Variants in PUS10 observed in about 807,000 individuals in gnomAD.
PUS10 encodes the protein pseudouridine synthase 10.
In PUS10, 59 loss-of-function variants were observed where a neutral mutation model predicts 75.0. The ratio of observed to expected loss-of-function variants is 0.79; its 90% CI spans 0.64 to 0.98. PUS10 has a LOEUF of 0.98. Ranked by LOEUF, PUS10 falls within the 50% of genes least tolerant of loss-of-function variation. The pLI is 0.00. For missense variants in PUS10, 650 were observed against 614.4 expected, an observed-to-expected ratio of 1.06 and a Z score of -0.61; for synonymous variants, 219 against 211.6, an observed-to-expected ratio of 1.03 and a Z score of -0.30.
At chr2:61,005,139 T>G (rs1333509283) in intron 4 of PUS10, among the ~76,000 whole-genome samples, 1 of 152,112 alleles carries the variant, frequency 6.6e-6, no homozygotes, top group Non-Finnish European at 1.5e-5. Context: ...CGCATGCCTG[T>G]AAGCCCAGCT....
At chr2:60,983,204 T>C (rs764066173) in intron 4 of PUS10, among the ~76,000 whole-genome samples, 2 of 151,974 alleles carry the variant, frequency 1.3e-5, no homozygotes, top group East Asian at 3.9e-4. Context: ...TTAAGTCTAA[T>C]TGTTACTATA....
chr2:60,988,217 T>C (rs1239503394), intron 4 of PUS10, among the ~76,000 whole-genome samples: 1 of 152,228 alleles, frequency 6.6e-6, no homozygotes, highest in Non-Finnish European at 1.5e-5. Context: ...TTTTTCTACA[T>C]TTCTCTTTAG....
intron 1 of PUS10, chr2:61,017,260 C>G (rs1481640520): frequency 6.5e-6 from 1 of 152,902 alleles, no homozygotes; most frequent in African/African-American, 2.4e-5. Context: ...CAATTCTGTT[C>G]CCCGAGGAAA....
intron 4 of PUS10, among the ~76,000 whole-genome samples, chr2:60,991,920 GGGGC>G (rs1388567689): frequency 6.6e-6 from 1 of 152,120 alleles, no homozygotes; most frequent in Non-Finnish European, 1.5e-5. Context: ...ACACCTCCCT[GGGGC>G]CAGACCAATA....
intron 4 of PUS10, among the ~76,000 whole-genome samples, chr2:60,990,357 A>G (rs1286809947): frequency 2.6e-5 from 4 of 152,208 alleles, no homozygotes; most frequent in Non-Finnish European, 5.9e-5. Context: ...CAAGGTAGTG[A>G]AGAGTTACAG....
At chr2:60,993,205 C>T (rs116244493) in intron 4 of PUS10, among the ~76,000 whole-genome samples, 11,681 of 152,142 alleles carry the variant, frequency 0.077, 577 homozygotes, top group Middle Eastern at 0.18. Context: ...ACCTGTAATC[C>T]GAGGACTTTG....
chr2:60,950,071 T>C (rs1675239758), intron 15 of PUS10, among the ~76,000 whole-genome samples: 1 of 152,248 alleles, frequency 6.6e-6, no homozygotes, highest in Non-Finnish European at 1.5e-5. Context: ...ATCTTAAAGA[T>C]ATCTGTCTAT....
At chr2:60,972,096 T>A (rs571685233) in intron 4 of PUS10, among the ~76,000 whole-genome samples, 22 of 147,744 alleles carry the variant, frequency 1.5e-4, no homozygotes, top group African/African-American at 4.9e-4. Flanking sequence ...CTCGAACTCC[T>A]GACATCAAGT....
chr2:61,017,880 T>G, intron 1 of PUS10, 128 bp downstream of exon 1: 1 of 1,542,618 alleles, frequency 6.5e-7, no homozygotes, highest in Non-Finnish European at 8.8e-7. Flanking sequence ...AGGCTGTGAG[T>G]TTAGTGGGCC....
rs141587417 is a variant in PUS10, at chr2:60,950,016, C to T, written c.1309-1831G>A. ...CCCATGGCATTCTCAATGACTTGTA[C>T]GACCCATGTGAAAGGCATAAAGAAA... On this transcript the variant is annotated intron_variant, in intron 15 of 17. Transcript: ENST00000316752. Among the ~76,000 whole-genome samples the T allele has an allele frequency of 6.8e-4, 103 of 152,272 alleles. 1 individual carries two copies. Among genetic ancestry groups the T allele is most frequent in the African/African-American group, 2.1e-3 (88 of 41,554 alleles).
In PUS10 at chr2:60,954,158, C is replaced by T; in HGVS notation, c.1058G>A (p.Gly353Glu). 3 of 1,614,068 alleles carry T rather than the reference C, an allele frequency of 1.9e-6. No individual in the cohort carries two copies. The highest frequency in any genetic ancestry group is 2.7e-5 in the African/African-American group (2 of 75,014). ...CACCAGCTCAATTGCAAAGGGCCTT[C>T]CTGGCAGCACACACCCCGTCATGAA... ...EDVDVRTLGN[G>E]RPFAIELVNP... is the part of the protein sequence containing the mutation. The change falls in exon 13 of 18, where the codon GGA (glycine) becomes GAA (glutamate). Residue 353 changes from glycine to glutamate, a missense_variant and splice_region_variant. By Grantham distance (98) the Gly-to-Glu change is moderately conservative (BLOSUM62 -2). Coordinates refer to ENST00000316752, the MANE Select transcript of PUS10 (RefSeq NM_144709.4).
intron 3 of PUS10, among the ~76,000 whole-genome samples, chr2:61,007,228 TA>T (rs369386636): frequency 1.3e-5 from 2 of 150,338 alleles, no homozygotes; most frequent in Non-Finnish European, 3.0e-5. Flanking sequence ...TTTTTTTTTT[TA>T]AAAAAAAGAA....
chr2:60,954,128 G>A lies in PUS10; in HGVS notation c.1088C>T (p.Pro363Leu). Reference sequence around the variant, plus strand: ...TTGTGAAGTGAAATGTACTCTATGAGGATTCACCAGCTCAATTGCAAAGGG... The same window carrying A: ...TTGTGAAGTGAAATGTACTCTATGAAGATTCACCAGCTCAATTGCAAAGGG... ...GRPFAIELVN[P>L]HRVHFTSQEI... The change falls in exon 13 of 18, where the codon CCT becomes CTT. Residue 363 changes from proline to leucine, a missense_variant. By Grantham distance (98) the Pro-to-Leu change is moderately conservative (BLOSUM62 -3). Coordinates refer to ENST00000316752, the MANE Select transcript of PUS10 (RefSeq NM_144709.4). 1.2e-6 allele frequency: 2 copies of A among 1,614,108 alleles called. No individual in the cohort carries two copies. Among genetic ancestry groups the A allele is most frequent in the Non-Finnish European group, 1.7e-6 (2 of 1,179,986 alleles).
intron 4 of PUS10, among the ~76,000 whole-genome samples, chr2:60,989,314 C>A (rs187841191): frequency 6.6e-6 from 1 of 152,258 alleles, no homozygotes; most frequent in Admixed American, 6.5e-5. Context: ...AGGTGAATGT[C>A]CCTCTCTAAC....
At position 60,962,862 on chromosome 2, in the gene PUS10, T is replaced by G; in HGVS notation, c.752A>C (p.Lys251Thr). Residue 251 changes from lysine (K) to threonine (T), a missense_variant, in exon 9 of 18, where the codon AAA becomes ACA. Coordinates refer to ENST00000316752, the MANE Select transcript of PUS10 (RefSeq NM_144709.4). Reference sequence around the variant, plus strand: ...CTCTTCCTTTATCTTATTCAAGGCTTTCATAACTGCCATTCTAGTGAATAC... The same window carrying G: ...CTCTTCCTTTATCTTATTCAAGGCTGTCATAACTGCCATTCTAGTGAATAC... ...QSVFTRMAVMKALNKIKEEDF... is the reference protein window; with the variant it reads ...QSVFTRMAVMTALNKIKEEDF... The G allele has an allele frequency of 5.1e-6, 8 of 1,571,410 alleles. No individual in the cohort carries two copies. Among genetic ancestry groups the G allele is most frequent in the Non-Finnish European group, 6.9e-6 (8 of 1,165,062 alleles).
intron 4 of PUS10, among the ~76,000 whole-genome samples, chr2:60,981,152 C>A (rs1014798524): frequency 2.0e-5 from 3 of 152,044 alleles, no homozygotes; most frequent in Non-Finnish European, 4.4e-5. Flanking sequence ...CTTGGCCTCG[C>A]AAAGTGCTGG....
In PUS10 at chr2:60,961,501, A is replaced by C; in HGVS notation, c.836T>G (p.Leu279Arg). 1.2e-6 allele frequency: 2 copies of C among 1,614,210 alleles called. No individual in the cohort carries two copies. Among genetic ancestry groups the C allele is most frequent in the Non-Finnish European group, 1.7e-6 (2 of 1,180,018 alleles). Residue 279 changes from leucine to arginine, a missense_variant, in exon 10 of 18, where the codon CTT becomes CGT. Physicochemically the swap from Leu to Arg is moderately radical, Grantham distance 102. Coordinates refer to ENST00000316752, the MANE Select transcript of PUS10 (RefSeq NM_144709.4). ...PNSPKAVCAV[L>R]EIECAHGAVF... is the part of the protein sequence containing the mutation. ...AGCACCATGAGCACATTCAATTTCA[A>C]GAACAGCGCATACAGCCTTTGGTGA...
At chr2:60,979,068 T>A (rs1406801722) in intron 4 of PUS10, among the ~76,000 whole-genome samples, 1 of 152,104 alleles carries the variant, frequency 6.6e-6, no homozygotes, top group African/African-American at 2.4e-5. Flanking sequence ...GCTGGAGGCA[T>A]TTAGCAGTAC....
At chr2:61,005,854 G>T (rs933738171) in intron 4 of PUS10, among the ~76,000 whole-genome samples, 18 of 152,184 alleles carry the variant, frequency 1.2e-4, no homozygotes, top group African/African-American at 4.3e-4. Flanking sequence ...GAAAGTGAGG[G>T]TTTATGATGT....
Sources: allele counts gnomAD v4.1 joint callset (sites outside exome capture counted in the v4.1 genomes callset), GRCh38; gene constraint gnomAD v4.1.1; transcripts MANE v1.5; gene names NCBI Gene and HGNC (gene_info 2026-07-23, HGNC 2026-07-21).